The following LARGE1 variants were observed in gnomAD, a reference collection of about 807,000 sequenced individuals.
LARGE1 encodes xylosyl- and glucuronyltransferase LARGE1.
A neutral mutation model predicts 87.6 loss-of-function variants in LARGE1; 43 were observed. The ratio of observed to expected loss-of-function variants is 0.49; its 90% CI spans 0.38 to 0.63. The LOEUF is 0.63. Among genes scored for constraint, LARGE1 ranks in the 30% least tolerant of loss-of-function variants. The pLI is 0.00. For missense variants in LARGE1, 802 were observed against 1,000.2 expected, an observed-to-expected ratio of 0.80 and a Z score of 2.67; for synonymous variants, 434 against 394.6, an observed-to-expected ratio of 1.10 and a Z score of -1.18.
intron 1 of LARGE1, among the ~76,000 whole-genome samples, chr22:33,893,174 C>T (rs2065047396): frequency 6.6e-6 from 1 of 152,172 alleles, no homozygotes; most frequent in Non-Finnish European, 1.5e-5. Context: ...TGTCATTTTC[C>T]ATTACAAAGT....
chr22:33,362,822 A>AG (rs970884166), intron 9 of LARGE1, among the ~76,000 whole-genome samples: 9 of 149,900 alleles, frequency 6.0e-5, no homozygotes, highest in Non-Finnish European at 1.0e-4. Flanking sequence ...GTGAGACTAA[A>AG]GGGGGGAAAA....
chr22:33,833,381 T>C (rs543925926), intron 1 of LARGE1, among the ~76,000 whole-genome samples: 2 of 152,252 alleles, frequency 1.3e-5, no homozygotes, highest in South Asian at 2.1e-4. Context: ...TGGGAATGTA[T>C]GAGTGGGCCC....
chr22:33,626,348 G>T (rs1451456987), intron 3 of LARGE1, 22 bp from the exon 4 acceptor site: 1 of 1,602,780 alleles, frequency 6.2e-7, no homozygotes, highest in Non-Finnish European at 8.5e-7. Flanking sequence ...AGAAGACGGG[G>T]TGAGCAGTCA....
intron 10 of LARGE1, among the ~76,000 whole-genome samples, chr22:33,326,003 C>T (rs1937208340): frequency 1.3e-5 from 2 of 152,178 alleles, no homozygotes; most frequent in African/African-American, 4.8e-5. Flanking sequence ...GCAGTTACAT[C>T]TTATTAAGCC....
intron 2 of LARGE1, among the ~76,000 whole-genome samples, chr22:33,723,090 GA>G (rs2083158838): frequency 6.6e-6 from 1 of 152,320 alleles, no homozygotes; most frequent in East Asian, 1.9e-4. Flanking sequence ...GAATCTATAC[GA>G]AAGGCTGGAG....
intron 6 of LARGE1, among the ~76,000 whole-genome samples, chr22:33,522,106 C>A (rs2071632483): frequency 6.6e-6 from 1 of 152,166 alleles, no homozygotes; most frequent in Non-Finnish European, 1.5e-5. Flanking sequence ...GCTCCCTTGA[C>A]CCAAACACCT....
chr22:33,447,200 T>C (rs138617776), intron 6 of LARGE1, among the ~76,000 whole-genome samples: 5 of 152,332 alleles, frequency 3.3e-5, no homozygotes, highest in Non-Finnish European at 7.4e-5. Context: ...TGGCCCAGAA[T>C]TGTGTTTTGA....
chr22:33,291,680 T>C (rs564870863), intron 12 of LARGE1, among the ~76,000 whole-genome samples: 9 of 149,234 alleles, frequency 6.0e-5, no homozygotes, highest in Non-Finnish European at 1.2e-4. Context: ...ATTTAATACA[T>C]AATGATTAAA....
intron 7 of LARGE1, among the ~76,000 whole-genome samples, chr22:33,420,913 C>T (rs896890719): frequency 2.6e-5 from 4 of 152,142 alleles, no homozygotes; most frequent in African/African-American, 7.2e-5. Context: ...GAAGGCTGGG[C>T]GCGGTGGCTC....
chr22:33,419,650 G>A (rs140708781), intron 7 of LARGE1, among the ~76,000 whole-genome samples: 17 of 141,992 alleles, frequency 1.2e-4, no homozygotes, highest in Middle Eastern at 3.5e-3. Flanking sequence ...AGTGGTATTT[G>A]TGGCCAGATG....
chr22:33,420,667 T>C (rs534284337), intron 7 of LARGE1, among the ~76,000 whole-genome samples: 1 of 152,232 alleles, frequency 6.6e-6, no homozygotes, highest in East Asian at 1.9e-4. Flanking sequence ...GTAAACAGGG[T>C]TCCCATTTGT....
At chr22:33,729,339 T>C (rs1030975614) in intron 2 of LARGE1, among the ~76,000 whole-genome samples, 1 of 152,138 alleles carries the variant, frequency 6.6e-6, no homozygotes, top group African/African-American at 2.4e-5. Flanking sequence ...GAAAAAGACA[T>C]GAGTTGAATT....
the LARGE1 span, among the ~76,000 whole-genome samples, chr22:33,141,849 T>G: frequency 6.6e-6 from 1 of 152,226 alleles, no homozygotes; most frequent in East Asian, 1.9e-4. Context: ...CTATTTCTAC[T>G]GACTACTTTT....
At chr22:33,602,415 C>G (rs532662459) in intron 5 of LARGE1, among the ~76,000 whole-genome samples, 2 of 152,266 alleles carry the variant, frequency 1.3e-5, no homozygotes, top group African/African-American at 4.8e-5. Context: ...CCAGCTCTAT[C>G]ACCCAGGCTG....
intron 1 of LARGE1, among the ~76,000 whole-genome samples, chr22:33,913,508 C>T (rs947462831): frequency 1.3e-5 from 2 of 152,166 alleles, no homozygotes; most frequent in Admixed American, 6.5e-5. Context: ...TTTGTTAAAA[C>T]ATTCGTTTAT....
chr22:33,878,478 C>T (rs896323654), intron 1 of LARGE1, among the ~76,000 whole-genome samples: 18 of 152,266 alleles, frequency 1.2e-4, no homozygotes, highest in African/African-American at 4.3e-4. Context: ...GCTTATCAAA[C>T]TGTTTTCCTA....
chr22:33,253,884 C>T (rs919738885), intron 11 of LARGE1, among the ~76,000 whole-genome samples: 3 of 149,216 alleles, frequency 2.0e-5, no homozygotes, highest in Non-Finnish European at 4.4e-5. Context: ...TAGCTCCTTC[C>T]CAATTTTCAT....
At position 33,381,809 on chromosome 22, in the gene LARGE1, C is replaced by A. The variant is rs78374444; in HGVS notation, c.1131+110G>T. 2,747 of 1,402,720 alleles carry A rather than the reference C, an allele frequency of 2.0e-3. 35 individuals carry two copies. The African/African-American group carries it at 0.034, about 17-fold the overall frequency. The allele number at this position is 1,402,720 out of a possible 1,614,324, so 86.9% of individuals were successfully genotyped here. ...CATACTCATTCTGCTCTCCTGTGCC[C>A]TTATCTCTCTCACCACATTGCACAT... is the stretch of plus-strand genomic sequence containing the variant. On this transcript the variant is annotated intron_variant, in intron 9 of 14. Coordinates refer to ENST00000397394, the MANE Select transcript of LARGE1 (RefSeq NM_133642.5).
At chr22:33,471,879 G>A (rs960274251) in intron 6 of LARGE1, among the ~76,000 whole-genome samples, 3 of 152,094 alleles carry the variant, frequency 2.0e-5, no homozygotes, top group Admixed American at 6.6e-5. Flanking sequence ...GTGAAACCCC[G>A]TCTCTACTAA....
Sources: gnomAD v4.1 joint callset for allele counts (sites outside exome capture counted in the v4.1 genomes callset) on GRCh38, gnomAD v4.1.1 for gene constraint, MANE v1.5 for transcripts, NCBI Gene and HGNC (gene_info 2026-07-23, HGNC 2026-07-21) for gene names.